The following SF3A2 variants were observed in gnomAD, a reference collection of about 807,000 sequenced individuals.
The protein encoded by SF3A2 is splicing factor 3a subunit 2, also known as SAP 62.
A neutral mutation model predicts 31.1 loss-of-function variants in SF3A2; 5 were observed. The ratio of observed to expected loss-of-function variants is 0.16; its 90% CI spans 0.08 to 0.34. The LOEUF (loss-of-function observed/expected upper bound fraction) is 0.34. SF3A2 is among the 10% of genes least tolerant of loss of function. The pLI, the probability that SF3A2 is intolerant of heterozygous loss-of-function variation, is 1.00. For synonymous variants in SF3A2, 365 were observed against 263.7 expected (o/e 1.38, Z -3.72); for missense variants, 577 against 643.9 (o/e 0.90, Z 1.13).
intron 1 of SF3A2, among the ~76,000 whole-genome samples, chr19:2,239,920 G>A (rs1032038600): frequency 6.6e-6 from 1 of 152,144 alleles, no homozygotes; most frequent in African/African-American, 2.4e-5. Context: ...TGGTGCAGTG[G>A]CTTCCCCCGA....
intron 7 of SF3A2, 164 bp downstream of exon 7, chr19:2,247,186 T>C (rs1238237904): frequency 1.8e-5 from 11 of 597,138 alleles, no homozygotes; most frequent in East Asian, 1.5e-4. Context: ...ACCTCTCCCA[T>C]TGGGCTCTGC....
chr19:2,243,108 G>A (rs1281510438), intron 1 of SF3A2, among the ~76,000 whole-genome samples: 2 of 152,138 alleles, frequency 1.3e-5, no homozygotes, highest in South Asian at 2.1e-4. Context: ...TTGGCACCCT[G>A]GGCTGGAGCG....
rs150101857 is a variant in SF3A2, at chr19:2,242,225, A to G, written c.-37-1157A>G. 1.5e-3 allele frequency among the ~76,000 whole-genome samples: 222 copies of G among 146,896 alleles called. 1 individual carries two copies. Among genetic ancestry groups the G allele is most frequent in the Non-Finnish European group, 2.4e-3 (156 of 64,946 alleles). On this transcript the variant is annotated intron_variant, in intron 1 of 8. Coordinates refer to ENST00000221494, the MANE Select transcript of SF3A2 (RefSeq NM_007165.5). ...CCTCAGCGTGCCCCTGCACACCTGCAGACACTGTGACACATCACTGCAGAC... is the reference window on the plus strand; with the variant it reads ...CCTCAGCGTGCCCCTGCACACCTGCGGACACTGTGACACATCACTGCAGAC...
Position 2,240,187 on chromosome 19 carries a change from G to A in SF3A2, c.-37-3195G>A. ...GGAAAAGACTCCTGGCCTCCCCCGG[G>A]GTGGGGGGCGTCCGTGCTGGGCCGC... is the stretch of plus-strand genomic sequence containing the variant. On this transcript the variant is annotated intron_variant, in intron 1 of 8. Coordinates refer to ENST00000221494, the MANE Select transcript of SF3A2 (RefSeq NM_007165.5). Among the ~76,000 whole-genome samples the A allele has an allele frequency of 2.0e-5, 3 of 152,310 alleles. 1 individual carries two copies. In the Middle Eastern group the frequency reaches 0.01, roughly 518 times the overall value.
chr19:2,240,163 G>A (rs1243187258), intron 1 of SF3A2, among the ~76,000 whole-genome samples: 1 of 152,180 alleles, frequency 6.6e-6, no homozygotes, highest in Non-Finnish European at 1.5e-5. Flanking sequence ...TGTTTCCCCG[G>A]AAAAGACTCC....
chr19:2,244,440 G>A (rs1210589293), intron 2 of SF3A2, 104 bp from the exon 3 acceptor site: 2 of 858,498 alleles, frequency 2.3e-6, no homozygotes, highest in Non-Finnish European at 1.9e-6. Context: ...CAGAAGGGGG[G>A]TTCTGCCTCC....
Position 2,243,445 on chromosome 19 carries a change from C to A in SF3A2, c.27C>A (p.Gly9=). MDFQHRPG[G]KTGSGGVASS... is the part of the protein sequence containing the mutation. ...TGGACTTCCAGCATCGCCCCGGGGG[C>A]AAGACCGGGAGCGGGGGCGTGGCCT... The change falls in exon 2 of 9, where the codon GGC becomes GGA. Residue 9 remains glycine, a synonymous_variant. Coordinates refer to ENST00000221494, the MANE Select transcript of SF3A2 (RefSeq NM_007165.5). 1 of 1,552,930 alleles carries A rather than the reference C, an allele frequency of 6.4e-7. No individual in the cohort carries two copies. Among genetic ancestry groups the A allele is most frequent in the Non-Finnish European group, 8.7e-7 (1 of 1,155,908 alleles).
rs921116816 is a variant in SF3A2, at chr19:2,237,103, G to T, written c.-38+202G>T. ...TGGGCGGGCCTGGAGGGTCGGGCCC[G>T]CCAGGAACTCTATTTCCAAACTCCT... On this transcript the variant is annotated intron_variant, in intron 1 of 8. Coordinates refer to ENST00000221494, the MANE Select transcript of SF3A2 (RefSeq NM_007165.5). Among the ~76,000 whole-genome samples the T allele has an allele frequency of 1.7e-4, 26 of 151,846 alleles. 1 individual carries two copies. The highest frequency in any genetic ancestry group is 3.1e-4 in the Non-Finnish European group (21 of 67,914).
At chr19:2,247,086 G>T (rs1200970101) in intron 7 of SF3A2, 64 bp downstream of exon 7, 12 of 1,560,228 alleles carry the variant, frequency 7.7e-6, no homozygotes, top group Middle Eastern at 1.9e-4. Flanking sequence ...ATCTGCATAG[G>T]CTGGGCAGGA....
intron 7 of SF3A2, chr19:2,247,256 C>A: frequency 1.8e-6 from 1 of 541,404 alleles, no homozygotes. Flanking sequence ...GGGCTGAGCG[C>A]CAGGCCTGTG....
chr19:2,237,397 AC>A (rs1443656149), intron 1 of SF3A2: 7 of 119,378 alleles, frequency 5.9e-5, no homozygotes, highest in Non-Finnish European at 1.0e-4. Flanking sequence ...ACATAGCGAG[AC>A]CCCATCACTG....
chr19:2,248,161 AC>A lies in SF3A2; in HGVS notation c.1013del (p.Pro338LeufsTer108). 7.0e-7 allele frequency: 1 copy of A among 1,432,082 alleles called. No homozygotes were observed. The allele number at this position is 1,432,082 out of a possible 1,614,324, so 88.7% of individuals were successfully genotyped here. A position where few individuals can be genotyped will look rare whatever the true frequency, so the allele number is the denominator to read the frequency against. On this transcript the variant is annotated frameshift_variant, in exon 9 of 9. Transcript: ENST00000221494. LOFTEE classifies it low-confidence loss of function (END_TRUNC). The stretch of plus-strand genomic sequence containing the variant: ...GTCCACCCCCCAGCTCCTGGAGTCC[AC>A]CCTCCAGCCCCCGGGGTTCACCCAC... ...SGVHPPAPGVHPPAPGVHPPA... is the reference protein window; with the variant it reads ...SGVHPPAPGVXPPAPGVHPPA...
chr19:2,248,153 T>TGGAGTCCACCCTCCAGCCCCCC lies in SF3A2; in HGVS notation c.1023_1024insCGGAGTCCACCCTCCAGCCCCC (p.Gly342ArgfsTer?). On this transcript the variant is annotated frameshift_variant, in exon 9 of 9. Coordinates refer to ENST00000221494, the MANE Select transcript of SF3A2 (RefSeq NM_007165.5). LOFTEE classifies it low-confidence loss of function (END_TRUNC). ...CCTCTGGGGTCCACCCCCCAGCTCC[T>TGGAGTCCACCCTCCAGCCCCCC]GGAGTCCACCCTCCAGCCCCCGGGG... 1 of 1,335,314 alleles carries TGGAGTCCACCCTCCAGCCCCCC rather than the reference T, an allele frequency of 7.5e-7. No individual in the cohort carries two copies. The highest frequency in any genetic ancestry group is 1.0e-6 in the Non-Finnish European group (1 of 980,006). The allele number at this position is 1,335,314 out of a possible 1,614,324, so 82.7% of individuals were successfully genotyped here. A position where few individuals can be genotyped will look rare whatever the true frequency, so the allele number is the denominator to read the frequency against.
chr19:2,247,702 C>T (rs1041298262), intron 8 of SF3A2, 40 bp downstream of exon 8: 6 of 1,611,702 alleles, frequency 3.7e-6, no homozygotes, highest in African/African-American at 1.3e-5. Flanking sequence ...TCCCACCCAG[C>T]CCTGGCGGCC....
At chr19:2,238,707 A>G (rs1342575789) in intron 1 of SF3A2, among the ~76,000 whole-genome samples, 1 of 152,216 alleles carries the variant, frequency 6.6e-6, no homozygotes, top group African/African-American at 2.4e-5. Flanking sequence ...TTTTTTCCCC[A>G]CAAAGCTCCC....
Position 2,248,099 on chromosome 19 carries a change from T to C in SF3A2, c.948T>C (p.His316=), listed in dbSNP as rs755904717. ...TCCACCCCCCAGCTCCTGGCGTCCATCCCCCAGCCCCTGGGGTCCACCCAC... is the reference window on the plus strand; with the variant it reads ...TCCACCCCCCAGCTCCTGGCGTCCACCCCCCAGCCCCTGGGGTCCACCCAC... ...PGVHPPAPGV[H]PPAPGVHPPT... Residue 316 remains histidine (H), a synonymous_variant, in exon 9 of 9, where the codon CAT becomes CAC. Transcript: ENST00000221494. The C allele has an allele frequency of 8.9e-4, 827 of 925,668 alleles. 6 individuals carry two copies. Among genetic ancestry groups the C allele is most frequent in the African/African-American group, 1.2e-3 (63 of 50,726 alleles). 57.3% of individuals were successfully genotyped at this position (925,668 alleles called of 1,614,324 possible).
chr19:2,244,473 C>A, intron 2 of SF3A2, 71 bp from the exon 3 acceptor site: 7 of 1,238,404 alleles, frequency 5.7e-6, no homozygotes, highest in Non-Finnish European at 8.2e-6. Context: ...AAAGGGGATC[C>A]CGCCTCTGAG....
At chr19:2,240,768 C>T (rs528318856) in intron 1 of SF3A2, among the ~76,000 whole-genome samples, 20 of 152,360 alleles carry the variant, frequency 1.3e-4, no homozygotes, top group African/African-American at 3.6e-4. Flanking sequence ...GTCATTAGAA[C>T]GTTCTGGAAA....
At chr19:2,237,271 A>G (rs1232344379) in intron 1 of SF3A2, 1 of 151,844 alleles carries the variant, frequency 6.6e-6, no homozygotes, top group Non-Finnish European at 1.5e-5. Context: ...ATTTTAAAAA[A>G]TTAGCCAGGA....
Sources: allele counts gnomAD v4.1 joint callset (sites outside exome capture counted in the v4.1 genomes callset), GRCh38; gene constraint gnomAD v4.1.1; transcripts MANE v1.5; gene names NCBI Gene and HGNC (gene_info 2026-07-23, HGNC 2026-07-21).